SNTG2: variants seen among roughly 807,000 people sequenced by gnomAD.
SNTG2 encodes the protein syntrophin gamma 2.
SNTG2 carries 74 observed loss-of-function variants against 70.9 expected under a neutral mutation model. The ratio of observed to expected loss-of-function variants is 1.04; its 90% confidence interval spans 0.86 to 1.27. SNTG2 has a LOEUF of 1.27. Ranked by LOEUF, SNTG2 falls within the 50% of genes most tolerant of loss-of-function variation. The pLI, the probability that SNTG2 is intolerant of heterozygous loss-of-function variation, is 0.00. For synonymous variants in SNTG2, 278 were observed against 273.8 expected, an observed-to-expected ratio of 1.02 and a Z score of -0.15; for missense variants, 717 against 690.7, an observed-to-expected ratio of 1.04 and a Z score of -0.43.
intron 16 of SNTG2, among the ~76,000 whole-genome samples, chr2:1,355,053 T>C (rs957172450): frequency 1.3e-5 from 2 of 152,126 alleles, no homozygotes; most frequent in Admixed American, 1.3e-4. Context: ...CTAAGTAAAA[T>C]AACATGAGCA....
intron 1 of SNTG2, among the ~76,000 whole-genome samples, chr2:1,074,726 A>G (rs1210575270): frequency 6.6e-6 from 1 of 152,224 alleles, no homozygotes; most frequent in Non-Finnish European, 1.5e-5. Flanking sequence ...AGGAGTAAAC[A>G]AAGTATTAAA....
intron 1 of SNTG2, among the ~76,000 whole-genome samples, chr2:957,914 A>G (rs1284890531): frequency 6.6e-6 from 1 of 152,220 alleles, no homozygotes; most frequent in Non-Finnish European, 1.5e-5. Context: ...TTGTCATAGC[A>G]GCCGTGGGAA....
chr2:995,870 G>T (rs1267506414), intron 1 of SNTG2, among the ~76,000 whole-genome samples: 1 of 152,110 alleles, frequency 6.6e-6, no homozygotes, highest in Non-Finnish European at 1.5e-5. Context: ...ATGTGGAAAA[G>T]AAACACAATC....
chr2:1,023,264 G>T (rs968217421), intron 1 of SNTG2, among the ~76,000 whole-genome samples: 4 of 151,974 alleles, frequency 2.6e-5, no homozygotes, highest in African/African-American at 9.7e-5. Context: ...TGGCCTGGAC[G>T]GTCACTTTAC....
chr2:1,134,894 G>T (rs1209866696), intron 4 of SNTG2, among the ~76,000 whole-genome samples: 1 of 152,218 alleles, frequency 6.6e-6, no homozygotes, highest in Non-Finnish European at 1.5e-5. Flanking sequence ...GGCCCCGAGA[G>T]AAATCAAGCG....
At chr2:1,149,857 T>A (rs1260080018) in intron 6 of SNTG2, among the ~76,000 whole-genome samples, 7 of 148,468 alleles carry the variant, frequency 4.7e-5, no homozygotes, top group East Asian at 4.4e-4. Context: ...CTGGCTAATT[T>A]TTTTGTATTT....
Position 1,071,432 on chromosome 2 carries a change from A to T in SNTG2, c.73-12086A>T, listed in dbSNP as rs531036574. Among the ~76,000 whole-genome samples, 162 of 145,738 alleles carry T rather than the reference A, an allele frequency of 1.1e-3. 1 individual carries two copies. Among genetic ancestry groups the T allele is most frequent in the African/African-American group, 3.9e-3 (155 of 39,506 alleles). On this transcript the variant is annotated intron_variant, in intron 1 of 16. Coordinates refer to ENST00000308624, the MANE Select transcript of SNTG2 (RefSeq NM_018968.4). ...AACCAAACACCGCATATTCTCGCTC[A>T]TAGGTGGGAATTGAACAATGAGATC...
At chr2:957,763 G>A (rs1448146461) in intron 1 of SNTG2, among the ~76,000 whole-genome samples, 2 of 152,104 alleles carry the variant, frequency 1.3e-5, no homozygotes, top group African/African-American at 2.4e-5. Flanking sequence ...CAGGCCAGGG[G>A]CACCTGCAGC....
chr2:1,065,278 C>T (rs1663076148), intron 1 of SNTG2, among the ~76,000 whole-genome samples: 1 of 152,130 alleles, frequency 6.6e-6, no homozygotes, highest in African/African-American at 2.4e-5. Flanking sequence ...CACAAGGCAT[C>T]TGACATAGTG....
intron 4 of SNTG2, among the ~76,000 whole-genome samples, chr2:1,135,517 C>T (rs1299700038): frequency 1.3e-5 from 2 of 152,138 alleles, no homozygotes; most frequent in East Asian, 1.9e-4. Flanking sequence ...GTCAGGAGTT[C>T]GAGACCAGCC....
Position 1,308,442 on chromosome 2 carries a change from G to A in SNTG2, c.1285-52G>A, listed in dbSNP as rs1292362620. The A allele has an allele frequency of 2.1e-5, 31 of 1,501,644 alleles. No individual in the cohort carries two copies. The East Asian group carries it at 7.4e-4, about 36-fold the overall frequency. The allele number at this position is 1,501,644 out of a possible 1,614,324, so 93.0% of individuals were successfully genotyped here. A position where few individuals can be genotyped will look rare whatever the true frequency, so the allele number is the denominator to read the frequency against. ...TTAATATGGAGACTACCTAATTAAA[G>A]TTAAACAGCATTATTAAAGAATGTT... On this transcript the variant is annotated intron_variant, in intron 14 of 16. Transcript: ENST00000308624.
intron 1 of SNTG2, among the ~76,000 whole-genome samples, chr2:1,009,865 C>G (rs138288635): frequency 9.2e-5 from 14 of 152,264 alleles, no homozygotes; most frequent in African/African-American, 2.4e-4. Flanking sequence ...CCTATTGCCC[C>G]CATCTCTCTT....
intron 4 of SNTG2, among the ~76,000 whole-genome samples, chr2:1,098,809 C>A (rs557391964): frequency 8.5e-5 from 13 of 152,316 alleles, no homozygotes; most frequent in African/African-American, 3.1e-4. Context: ...ACGTAATGAG[C>A]CTGTTGCAGG....
chr2:1,184,720 G>A (rs550995982), intron 8 of SNTG2, among the ~76,000 whole-genome samples: 2 of 152,264 alleles, frequency 1.3e-5, no homozygotes, highest in South Asian at 2.1e-4. Flanking sequence ...CTGCCCCCAC[G>A]ATTCAATCAC....
intron 14 of SNTG2, among the ~76,000 whole-genome samples, chr2:1,287,593 G>C (rs558614920): frequency 1.2e-4 from 18 of 152,356 alleles, no homozygotes; most frequent in African/African-American, 4.1e-4. Context: ...GCTCCGTGCA[G>C]GTGGCAGAGT....
intron 6 of SNTG2, chr2:1,160,864 C>G (rs1221354506): frequency 6.6e-6 from 1 of 152,300 alleles, no homozygotes; most frequent in Non-Finnish European, 1.5e-5. Flanking sequence ...CTCTGGAATT[C>G]CGAGGAAGGA....
chr2:979,469 C>G (rs1382099007), intron 1 of SNTG2, among the ~76,000 whole-genome samples: 3 of 152,084 alleles, frequency 2.0e-5, no homozygotes, highest in Admixed American at 2.0e-4. Flanking sequence ...GGGCTGTGCC[C>G]AGCCTTGCTG....
chr2:1,211,931 A>G (rs2148000294), intron 9 of SNTG2, among the ~76,000 whole-genome samples: 1 of 152,334 alleles, frequency 6.6e-6, no homozygotes, highest in East Asian at 1.9e-4. Context: ...GTGACAAAAT[A>G]TTTTGACCCA....
chr2:1,025,916 T>G (rs1660458585), intron 1 of SNTG2, among the ~76,000 whole-genome samples: 1 of 152,210 alleles, frequency 6.6e-6, no homozygotes, highest in Admixed American at 6.5e-5. Context: ...GTCAACCGCA[T>G]TTGAGAGATT....
Sources: gnomAD v4.1 joint callset for allele counts (sites outside exome capture counted in the v4.1 genomes callset) on GRCh38, gnomAD v4.1.1 for gene constraint, MANE v1.5 for transcripts, NCBI Gene and HGNC (gene_info 2026-07-23, HGNC 2026-07-21) for gene names.